The following RPS6KC1 variants were observed in gnomAD, a reference collection of about 807,000 sequenced individuals.
RPS6KC1 encodes ribosomal protein S6 kinase C1.
RPS6KC1 carries 54 observed loss-of-function variants against 103.8 expected under a neutral mutation model. The ratio of observed to expected loss-of-function variants is 0.52; its 90% CI spans 0.42 to 0.65. The LOEUF (loss-of-function observed/expected upper bound fraction) is 0.65, where lower values mean the gene tolerates loss of function less well. Among genes scored for constraint, RPS6KC1 ranks in the 30% least tolerant of loss-of-function variants. The pLI, the probability that RPS6KC1 is intolerant of heterozygous loss-of-function variation, is 0.00. For synonymous variants in RPS6KC1, 439 were observed against 438.7 expected (o/e 1.00, Z -0.01); for missense variants, 1,151 against 1,253.8 (o/e 0.92, Z 1.24).
the RPS6KC1 span, among the ~76,000 whole-genome samples, chr1:213,666,762 T>G: frequency 6.6e-6 from 1 of 152,188 alleles, no homozygotes; most frequent in Non-Finnish European, 1.5e-5. Context: ...TACGGCAAAG[T>G]AGTTAAGCTG....
At chr1:213,748,142 T>G in the RPS6KC1 span, among the ~76,000 whole-genome samples, 1 of 152,184 alleles carries the variant, frequency 6.6e-6, no homozygotes, top group Admixed American at 6.5e-5. Flanking sequence ...AGATGGCCCA[T>G]GACTCAGCTA....
the RPS6KC1 span, among the ~76,000 whole-genome samples, chr1:213,665,798 G>A: frequency 6.6e-6 from 1 of 152,146 alleles, no homozygotes. Flanking sequence ...TTAGTAGAAG[G>A]AGAGTTAATT....
chr1:213,852,672 C>T, the RPS6KC1 span, among the ~76,000 whole-genome samples: 14 of 152,106 alleles, frequency 9.2e-5, no homozygotes, highest in African/African-American at 3.1e-4. Context: ...CTCTGTTAAG[C>T]ATTAGGAACA....
At chr1:213,499,368 T>C in the RPS6KC1 span, among the ~76,000 whole-genome samples, 1,043 of 152,268 alleles carry the variant, frequency 6.8e-3, 15 homozygotes, top group African/African-American at 0.024. Context: ...CCCAACCTTT[T>C]TGGCACCAGG....
intron 8 of RPS6KC1, among the ~76,000 whole-genome samples, chr1:213,204,872 C>T (rs1280185613): frequency 1.3e-5 from 2 of 152,068 alleles, no homozygotes; most frequent in Non-Finnish European, 2.9e-5. Context: ...CAAGGAGATT[C>T]TTCCACTTGG....
chr1:213,073,432 A>G (rs1404090451), intron 2 of RPS6KC1, among the ~76,000 whole-genome samples: 1 of 152,226 alleles, frequency 6.6e-6, no homozygotes, highest in Admixed American at 6.5e-5. Flanking sequence ...GTGGCCTGTC[A>G]TTCAGTAGAT....
chr1:213,307,204 C>T, the RPS6KC1 span, among the ~76,000 whole-genome samples: 65 of 152,066 alleles, frequency 4.3e-4, 1 homozygote, highest in East Asian at 0.013. Flanking sequence ...GCTGGGACTA[C>T]AGGTGCCCGC....
intron 8 of RPS6KC1, among the ~76,000 whole-genome samples, chr1:213,215,659 A>C (rs761591400): frequency 2.8e-4 from 43 of 152,242 alleles, no homozygotes; most frequent in Non-Finnish European, 5.0e-4. Flanking sequence ...AGGGAAGCCC[A>C]CCAGACTAGC....
At chr1:213,386,954 A>G in the RPS6KC1 span, among the ~76,000 whole-genome samples, 1 of 152,236 alleles carries the variant, frequency 6.6e-6, no homozygotes, top group Admixed American at 6.5e-5. Context: ...CGATGAGAGG[A>G]AGGGATCTGA....
chr1:213,861,592 A>C, the RPS6KC1 span, among the ~76,000 whole-genome samples: 1 of 152,202 alleles, frequency 6.6e-6, no homozygotes, highest in African/African-American at 2.4e-5. Flanking sequence ...TCTCAATGCA[A>C]AGCCATTCCA....
At chr1:213,494,601 T>G in the RPS6KC1 span, among the ~76,000 whole-genome samples, 1 of 151,960 alleles carries the variant, frequency 6.6e-6, no homozygotes, top group Non-Finnish European at 1.5e-5. Context: ...TTTCAAAGTC[T>G]CTATAAGGAT....
the RPS6KC1 span, among the ~76,000 whole-genome samples, chr1:213,305,171 G>A: frequency 6.6e-6 from 1 of 152,044 alleles, no homozygotes; most frequent in Non-Finnish European, 1.5e-5. Context: ...TGCAATCTCC[G>A]CCTCCCGGAT....
the RPS6KC1 span, among the ~76,000 whole-genome samples, chr1:213,666,592 GC>G: frequency 1.3e-5 from 2 of 152,198 alleles, no homozygotes; most frequent in South Asian, 2.1e-4. Context: ...TGTATGTTTT[GC>G]CAGCCAATAT....
At chr1:213,602,965 T>C in the RPS6KC1 span, among the ~76,000 whole-genome samples, 1 of 152,182 alleles carries the variant, frequency 6.6e-6, no homozygotes, top group Non-Finnish European at 1.5e-5. Flanking sequence ...AAAGATGATG[T>C]GGTTTGTGGA....
At chr1:213,220,594 G>A (rs899381291) in intron 8 of RPS6KC1, among the ~76,000 whole-genome samples, 3 of 152,224 alleles carry the variant, frequency 2.0e-5, no homozygotes, top group Non-Finnish European at 2.9e-5. Flanking sequence ...CAAAGTGCTG[G>A]GATTGCAGAT....
chr1:213,397,588 TACAC>T, the RPS6KC1 span, among the ~76,000 whole-genome samples: 71,820 of 140,182 alleles, frequency 0.51, 19,080 homozygotes, highest in East Asian at 0.77. Context: ...CAGGAACACA[TACAC>T]ACACACACAC....
chr1:213,137,799 A>ATATATTTTTTTTTTT (rs1572765998), intron 6 of RPS6KC1, among the ~76,000 whole-genome samples: 1 of 13,996 alleles, frequency 7.1e-5, no homozygotes, highest in African/African-American at 1.8e-4. Context: ...ATATATATAT[A>ATATATTTTTTTTTTT]TTTTTTTTTT....
the RPS6KC1 span, among the ~76,000 whole-genome samples, chr1:213,597,575 T>C: frequency 6.6e-6 from 1 of 152,170 alleles, no homozygotes; most frequent in African/African-American, 2.4e-5. Context: ...GGACGATCCA[T>C]GGCAGATATT....
At chr1:213,271,688 C>T (rs1307255097) in intron 14 of RPS6KC1, among the ~76,000 whole-genome samples, 5 of 140,350 alleles carry the variant, frequency 3.6e-5, no homozygotes, top group East Asian at 2.2e-4. Flanking sequence ...GACGTGAACC[C>T]GGGAGGCGGA....
Sources: gnomAD v4.1 joint callset for allele counts (sites outside exome capture counted in the v4.1 genomes callset) on GRCh38, gnomAD v4.1.1 for gene constraint, MANE v1.5 for transcripts, NCBI Gene and HGNC (gene_info 2026-07-23, HGNC 2026-07-21) for gene names.